ATP10A: variants seen among roughly 807,000 people sequenced by gnomAD.
The protein encoded by ATP10A is phospholipid-transporting ATPase VA.
A neutral mutation model predicts 147.8 loss-of-function variants in ATP10A; 111 were observed. That is an observed-to-expected ratio of 0.75 (90% confidence interval 0.64 to 0.88). The LOEUF is 0.88. Among genes scored for constraint, ATP10A ranks in the 40% least tolerant of loss-of-function variants. The pLI is 0.00. For missense variants in ATP10A, 1,927 were observed against 1,959.0 expected, an observed-to-expected ratio of 0.98 and a Z score of 0.31; for synonymous variants, 875 against 841.6, an observed-to-expected ratio of 1.04 and a Z score of -0.69.
chr15:25,719,689 C>T (rs899112213), intron 7 of ATP10A, among the ~76,000 whole-genome samples: 1 of 152,074 alleles, frequency 6.6e-6, no homozygotes, highest in African/African-American at 2.4e-5. Flanking sequence ...AGTTTCTGAT[C>T]GGCAGTGGCC....
chr15:25,864,462 G>A (rs1170342361), upstream of ATP10A, among the ~76,000 whole-genome samples: 2 of 152,142 alleles, frequency 1.3e-5, no homozygotes, highest in Non-Finnish European at 2.9e-5. Flanking sequence ...CTCAAATCAC[G>A]TCTTCGCCAG....
At chr15:25,837,281 C>A (rs11161237) in intron 1 of ATP10A, among the ~76,000 whole-genome samples, 135,808 of 152,240 alleles carry the variant, frequency 0.89, 61,395 homozygotes, top group East Asian at 1. Flanking sequence ...TAAGTGTCCA[C>A]TGAGGAATGA....
intron 1 of ATP10A, among the ~76,000 whole-genome samples, chr15:25,826,475 T>C (rs998087366): frequency 1.3e-5 from 2 of 152,124 alleles, no homozygotes; most frequent in Non-Finnish European, 2.9e-5. Context: ...GGTGGGAAGA[T>C]GGCTTGCACC....
In ATP10A at chr15:25,718,322, G is replaced by T. The variant is rs149355122; in HGVS notation, c.1441C>A (p.Arg481Ser). ...VVPRGGSVSQ[R>S]GSIGSHQSVR... ...CTCTGGTGGCTGCCGATGCTGCCGC[G>T]CTGGGACACCGAGCCCCCTCTGGGC... Residue 481 changes from arginine to serine, a missense_variant, in exon 8 of 21, where the codon CGC becomes AGC. Arg to Ser is a moderately radical substitution (Grantham distance 110, BLOSUM62 -1). Coordinates refer to ENST00000555815, the MANE Select transcript of ATP10A (RefSeq NM_024490.4). The T allele has an allele frequency of 1.7e-5, 27 of 1,610,996 alleles. No individual in the cohort carries two copies. In the African/African-American group the frequency reaches 3.5e-4, roughly 21 times the overall value.
In ATP10A at chr15:25,695,066, C is replaced by T; in HGVS notation, c.2841G>A (p.Lys947=). The T allele has an allele frequency of 6.2e-7, 1 of 1,614,166 alleles. No individual in the cohort carries two copies. The highest frequency in any genetic ancestry group is 1.1e-5 in the South Asian group (1 of 91,078). ...RGLQRAPEKT[K]GKVSMRFSSL... is the part of the protein sequence containing the mutation. ...AGGAGAACCTCATGCTCACTTTGCC[C>T]TTGGTCTTCTCAGGGGCTCTCTGGA... Residue 947 remains lysine, a synonymous_variant, in exon 14 of 21, where the codon AAG becomes AAA. Transcript: ENST00000555815.
chr15:25,681,392 A>C (rs1311359511), intron 17 of ATP10A, among the ~76,000 whole-genome samples: 3 of 152,156 alleles, frequency 2.0e-5, no homozygotes, highest in African/African-American at 7.2e-5. Flanking sequence ...ACGATCATGA[A>C]ATTTTTTCCT....
intron 3 of ATP10A, among the ~76,000 whole-genome samples, chr15:25,733,555 C>T (rs934718957): frequency 1.3e-5 from 2 of 152,214 alleles, no homozygotes; most frequent in Non-Finnish European, 2.9e-5. Context: ...ACTGCTGCTC[C>T]ACCCCCAGAG....
intron 3 of ATP10A, among the ~76,000 whole-genome samples, chr15:25,730,515 G>A (rs1426898399): frequency 2.0e-5 from 3 of 152,022 alleles, no homozygotes; most frequent in Non-Finnish European, 2.9e-5. Flanking sequence ...ACTGCTCAGC[G>A]GCCACTAATC....
At chr15:25,833,150 T>C (rs1266938599) in intron 1 of ATP10A, among the ~76,000 whole-genome samples, 3 of 151,930 alleles carry the variant, frequency 2.0e-5, no homozygotes, top group Non-Finnish European at 4.4e-5. Flanking sequence ...AAGTGGGTGA[T>C]TTTTGCATTT....
intron 1 of ATP10A, among the ~76,000 whole-genome samples, chr15:25,811,521 G>A (rs1298373196): frequency 6.6e-5 from 10 of 152,268 alleles, no homozygotes; most frequent in South Asian, 4.2e-4. Flanking sequence ...CATCCCTCCC[G>A]GCTTTCTGTG....
chr15:25,800,963 C>A lies in ATP10A; in HGVS notation c.450-19740G>T, dbSNP rs79919548. ...CGCTGTACTAGATGCTGACGCTGCT[C>A]CTGGCTCACTGTCATGGGGTTTGGT... On this transcript the variant is annotated intron_variant, in intron 1 of 20. Coordinates refer to ENST00000555815, the MANE Select transcript of ATP10A (RefSeq NM_024490.4). Among the ~76,000 whole-genome samples, 1,615 of 152,304 alleles carry A rather than the reference C, an allele frequency of 0.011. 97 individuals carry two copies. The East Asian group carries it at 0.14, about 13-fold the overall frequency.
intron 2 of ATP10A, among the ~76,000 whole-genome samples, chr15:25,738,895 CCCAAGGTCACAGTGGTCTTGGAGTGA>C (rs964227441): frequency 3.9e-5 from 6 of 152,158 alleles, no homozygotes; most frequent in Non-Finnish European, 5.9e-5. Flanking sequence ...AAGTATCGTG[CCCAAGGTCACAGTGGTCTTGGAGTGA>C]CAGACTGGAG....
intron 3 of ATP10A, among the ~76,000 whole-genome samples, chr15:25,730,078 G>T (rs1902867501): frequency 6.6e-6 from 1 of 150,882 alleles, no homozygotes; most frequent in South Asian, 2.1e-4. Context: ...ATTGCTTGAG[G>T]CCAGAAGTTA....
rs145914880 is a variant in ATP10A at position 25,778,970 on chromosome 15, G to A, written c.654+2049C>T. Among the ~76,000 whole-genome samples the A allele has an allele frequency of 1.2e-3, 183 of 151,896 alleles. 1 individual carries two copies. Among genetic ancestry groups the A allele is most frequent in the African/African-American group, 3.5e-3 (143 of 41,374 alleles). On this transcript the variant is annotated intron_variant, in intron 2 of 20. Coordinates refer to ENST00000555815, the MANE Select transcript of ATP10A (RefSeq NM_024490.4). ...CGGCTCACTACAACCTCTGCCTCCC[G>A]GGTTCAAGCGATTCTCCTGCCTCAG...
intron 1 of ATP10A, among the ~76,000 whole-genome samples, chr15:25,839,203 T>C (rs1360453862): frequency 2.0e-5 from 3 of 152,186 alleles, no homozygotes; most frequent in Admixed American, 1.3e-4. Context: ...TGGGATAATA[T>C]GTAACTCCAG....
chr15:25,699,592 G>C (rs1251291634), intron 13 of ATP10A, among the ~76,000 whole-genome samples: 1 of 152,146 alleles, frequency 6.6e-6, no homozygotes, highest in East Asian at 1.9e-4. Context: ...AATCAGACCA[G>C]GCACAGTGGC....
chr15:25,854,773 A>C (rs1047014113), intron 1 of ATP10A, among the ~76,000 whole-genome samples: 10 of 152,190 alleles, frequency 6.6e-5, no homozygotes, highest in African/African-American at 2.4e-4. Flanking sequence ...AAAAAAGAAA[A>C]CAGGCCGGGC....
chr15:25,742,456 C>G (rs1006519109), intron 2 of ATP10A, among the ~76,000 whole-genome samples: 5 of 152,172 alleles, frequency 3.3e-5, no homozygotes, highest in African/African-American at 9.7e-5. Context: ...TAGTTTAGAA[C>G]GCAGGCGCCA....
At chr15:25,827,432 A>C (rs2140860331) in intron 1 of ATP10A, among the ~76,000 whole-genome samples, 1 of 152,338 alleles carries the variant, frequency 6.6e-6, no homozygotes, top group South Asian at 2.1e-4. Context: ...ATAAAGCAAC[A>C]TTTACAAATC....
Sources: allele counts gnomAD v4.1 joint callset (sites outside exome capture counted in the v4.1 genomes callset), GRCh38; gene constraint gnomAD v4.1.1; transcripts MANE v1.5; gene names NCBI Gene and HGNC (gene_info 2026-07-23, HGNC 2026-07-21).